The following CACNB2 variants were observed in gnomAD, a reference collection of about 807,000 sequenced individuals.
The protein encoded by CACNB2 is calcium voltage-gated channel auxiliary subunit beta 2, also known as voltage-dependent L-type calcium channel subunit beta-2.
CACNB2 carries 42 observed loss-of-function variants against 73.3 expected under a neutral mutation model. The ratio of observed to expected loss-of-function variants is 0.57; its 90% CI spans 0.45 to 0.74. The LOEUF is 0.74. CACNB2 is among the 30% of genes least tolerant of loss of function. The pLI, the probability that CACNB2 is intolerant of heterozygous loss-of-function variation, is 0.00. For synonymous variants in CACNB2, 348 were observed against 310.3 expected (o/e 1.12, Z -1.28); for missense variants, 940 against 853.0 (o/e 1.10, Z -1.27).
rs543863065 is a variant in CACNB2 at position 18,438,154 on chromosome 10, AC to A, written c.333+36112del. Among the ~76,000 whole-genome samples the A allele has an allele frequency of 3.2e-3, 459 of 144,564 alleles. 4 individuals are homozygous for A. Among genetic ancestry groups the A allele is most frequent in the African/African-American group, 0.011 (436 of 38,694 alleles). The allele number at this position is 144,564 out of a possible 152,430, so 94.8% of individuals were successfully genotyped here. ...TGCCTCAGCCTCCTGAGTAGCTGGGACTACAGCCGCCCGCCAGCACACCTGG... is the reference window on the plus strand; with the variant it reads ...TGCCTCAGCCTCCTGAGTAGCTGGGATACAGCCGCCCGCCAGCACACCTGG... On this transcript the variant is annotated intron_variant, in intron 3 of 13. Coordinates refer to ENST00000324631, the MANE Select transcript of CACNB2 (RefSeq NM_201596.3).
intron 2 of CACNB2, among the ~76,000 whole-genome samples, chr10:18,220,144 TATATATATATAC>T (rs1358326396): frequency 0.021 from 811 of 38,808 alleles, 15 homozygotes; most frequent in African/African-American, 0.099. Flanking sequence ...TATATATATA[TATATATATATAC>T]ACACACACAC....
At chr10:18,472,936 C>T (rs2048266371) in intron 3 of CACNB2, among the ~76,000 whole-genome samples, 1 of 152,168 alleles carries the variant, frequency 6.6e-6, no homozygotes, top group South Asian at 2.1e-4. Context: ...ACCCCAGCTG[C>T]TGAAAATGAT....
intron 2 of CACNB2, among the ~76,000 whole-genome samples, chr10:18,229,075 A>G (rs145343152): frequency 0.012 from 1,868 of 152,292 alleles, 42 homozygotes; most frequent in African/African-American, 0.042. Flanking sequence ...TCTAAAAAGC[A>G]TTGTTACAGC....
chr10:18,242,801 A>G (rs897467348), intron 2 of CACNB2, among the ~76,000 whole-genome samples: 18 of 150,368 alleles, frequency 1.2e-4, no homozygotes, highest in Non-Finnish European at 2.2e-4. Flanking sequence ...TGGCTAACAC[A>G]GTGAAACCCC....
At chr10:18,493,427 A>C (rs1307547345) in intron 3 of CACNB2, among the ~76,000 whole-genome samples, 1 of 152,008 alleles carries the variant, frequency 6.6e-6, no homozygotes, top group Non-Finnish European at 1.5e-5. Flanking sequence ...CTGCCTCCCA[A>C]AGTGCTGGCA....
intron 3 of CACNB2, among the ~76,000 whole-genome samples, chr10:18,458,621 G>T (rs773228311): frequency 1.8e-4 from 27 of 152,058 alleles, no homozygotes; most frequent in South Asian, 6.2e-4. Context: ...AGACAAAAAG[G>T]TCCCAAAGGA....
chr10:18,447,889 G>A (rs532465731), intron 3 of CACNB2, among the ~76,000 whole-genome samples: 7 of 152,168 alleles, frequency 4.6e-5, no homozygotes, highest in Middle Eastern at 3.4e-3. Flanking sequence ...CTCCAAACCC[G>A]AGAGCTATTT....
chr10:18,332,464 C>T (rs764885314), intron 2 of CACNB2, among the ~76,000 whole-genome samples: 5 of 152,128 alleles, frequency 3.3e-5, no homozygotes, highest in African/African-American at 1.2e-4. Flanking sequence ...ATCAAATTGG[C>T]GTTAAATGCA....
intron 2 of CACNB2, among the ~76,000 whole-genome samples, chr10:18,367,212 T>C (rs936181206): frequency 5.5e-5 from 4 of 72,828 alleles, no homozygotes; most frequent in Middle Eastern, 7.7e-3. Flanking sequence ...AAATAGTATT[T>C]TTTTTTTTTC....
intron 2 of CACNB2, among the ~76,000 whole-genome samples, chr10:18,216,417 T>G (rs914983525): frequency 6.6e-6 from 1 of 152,206 alleles, no homozygotes; most frequent in Non-Finnish European, 1.5e-5. Flanking sequence ...GTGGATCCCT[T>G]GAGCCCCTTT....
At chr10:18,396,508 G>T (rs2043721247) in intron 2 of CACNB2, among the ~76,000 whole-genome samples, 1 of 152,008 alleles carries the variant, frequency 6.6e-6, no homozygotes, top group African/African-American at 2.4e-5. Context: ...GTCTCGCTCT[G>T]TTGCCAGGCT....
intron 3 of CACNB2, among the ~76,000 whole-genome samples, chr10:18,453,156 C>A (rs1044955237): frequency 1.3e-5 from 2 of 152,148 alleles, no homozygotes; most frequent in African/African-American, 4.8e-5. Flanking sequence ...GCCTTTTGAC[C>A]TGTCTCCTCC....
chr10:18,420,572 G>GC (rs771144115), intron 3 of CACNB2, among the ~76,000 whole-genome samples: 1 of 152,056 alleles, frequency 6.6e-6, no homozygotes, highest in Non-Finnish European at 1.5e-5. Flanking sequence ...TTCTATTCAA[G>GC]CCCCCAACAG....
At chr10:18,314,679 A>G (rs2040091516) in intron 2 of CACNB2, among the ~76,000 whole-genome samples, 1 of 152,232 alleles carries the variant, frequency 6.6e-6, no homozygotes, top group Non-Finnish European at 1.5e-5. Context: ...GCCATACAGC[A>G]AAACATTTTT....
chr10:18,464,418 T>TAAAAAAAAAAAAAAAAAAA lies in CACNB2; in HGVS notation c.334-33933_334-33915dup, dbSNP rs762982462. Among the ~76,000 whole-genome samples the TAAAAAAAAAAAAAAAAAAA allele has an allele frequency of 1.1e-3, 90 of 85,268 alleles. 1 individual carries two copies. Among genetic ancestry groups the TAAAAAAAAAAAAAAAAAAA allele is most frequent in the East Asian group, 3.6e-3 (9 of 2,478 alleles). 55.9% of individuals were successfully genotyped at this position (85,268 alleles called of 152,430 possible). ...CAGAGTGAGACCCTGTCTCAAAAAT[T>TAAAAAAAAAAAAAAAAAAA]AAAAAAAAAAAAAAAAAAAAAAGAA... is the stretch of plus-strand genomic sequence containing the variant. On this transcript the variant is annotated intron_variant, in intron 3 of 13. Transcript: ENST00000324631.
In CACNB2 at chr10:18,290,772, A is replaced by G. The variant is rs560048172; in HGVS notation, c.214-111152A>G. Among the ~76,000 whole-genome samples, 499 of 152,268 alleles carry G rather than the reference A, an allele frequency of 3.3e-3. 3 individuals are homozygous for G. The highest frequency in any genetic ancestry group is 0.011 in the African/African-American group (470 of 41,538). On this transcript the variant is annotated intron_variant, in intron 2 of 13. Transcript: ENST00000324631. The stretch of plus-strand genomic sequence containing the variant: ...CACACGGTGTTGCTTGCTGAGGGGG[A>G]AGGCAGAGGTCCGCCTGTATAATCC...
intron 2 of CACNB2, among the ~76,000 whole-genome samples, chr10:18,378,975 T>C (rs2042910331): frequency 6.6e-6 from 1 of 152,156 alleles, no homozygotes; most frequent in Admixed American, 6.5e-5. Context: ...AGACCAGTGT[T>C]CCAAAGCCAG....
chr10:18,339,792 C>T (rs529004269), intron 2 of CACNB2, among the ~76,000 whole-genome samples: 16 of 152,140 alleles, frequency 1.1e-4, no homozygotes, highest in African/African-American at 3.9e-4. Context: ...CACAAAATAC[C>T]ATTCTGTTTT....
intron 2 of CACNB2, among the ~76,000 whole-genome samples, chr10:18,368,182 G>C (rs766639166): frequency 1.3e-5 from 2 of 152,136 alleles, no homozygotes; most frequent in Non-Finnish European, 2.9e-5. Context: ...ATGAACAATA[G>C]CTATAATTCC....
Sources: allele counts gnomAD v4.1 joint callset (sites outside exome capture counted in the v4.1 genomes callset), GRCh38; gene constraint gnomAD v4.1.1; transcripts MANE v1.5; gene names NCBI Gene and HGNC (gene_info 2026-07-23, HGNC 2026-07-21).